The following FAM3D variants were observed in gnomAD, a reference collection of about 807,000 sequenced individuals.
FAM3D encodes the protein FAM3 metabolism regulating signaling molecule D.
FAM3D carries 26 observed loss-of-function variants against 29.8 expected under a neutral mutation model. The observed-to-expected ratio is 0.87, with a 90% CI of 0.64 to 1.21. FAM3D has a LOEUF of 1.21. FAM3D is among the 50% of genes most tolerant of loss of function. FAM3D has a pLI of 0.00. For synonymous variants in FAM3D, 115 were observed against 102.3 expected (o/e 1.12, Z -0.75); for missense variants, 253 against 290.9 (o/e 0.87, Z 0.95).
chr3:58,663,657 CTT>C (rs1191092380), intron 1 of FAM3D, among the ~76,000 whole-genome samples: 1 of 152,220 alleles, frequency 6.6e-6, no homozygotes, highest in Non-Finnish European at 1.5e-5. Context: ...CGGGCCAACT[CTT>C]GGCTTTTTCT....
chr3:58,645,420 C>T (rs1400163550), intron 5 of FAM3D, 89 bp downstream of exon 5: 2 of 1,049,454 alleles, frequency 1.9e-6, no homozygotes, highest in East Asian at 5.3e-5. Flanking sequence ...TCTCACAGGC[C>T]AGCCCCTGCA....
intron 3 of FAM3D, among the ~76,000 whole-genome samples, chr3:58,649,977 G>A (rs912526348): frequency 6.6e-6 from 1 of 152,238 alleles, no homozygotes; most frequent in African/African-American, 2.4e-5. Context: ...GGGTAGAGTT[G>A]TGCTGCTGTG....
intron 2 of FAM3D, among the ~76,000 whole-genome samples, chr3:58,655,258 G>T (rs1174382376): frequency 6.6e-6 from 1 of 152,142 alleles, no homozygotes; most frequent in Non-Finnish European, 1.5e-5. Context: ...TTCTAGAATA[G>T]CCCTCCTCGA....
At position 58,634,224 on chromosome 3, in the gene FAM3D, C is replaced by T. The variant is rs2066095936; in HGVS notation, c.*55G>A. ...CTCAGCCCCTGCCGGGCTCTGACTC[C>T]TAAGTCAGGCAGGAGCTTCTTCAGG... On this transcript the variant is annotated 3_prime_UTR_variant, in exon 10 of 10. Transcript: ENST00000358781. The surrounding 1 kb of genome is among the most constrained non-coding windows in gnomAD (Gnocchi z 4.6). 3 of 1,562,236 alleles carry T rather than the reference C, an allele frequency of 1.9e-6. No individual in the cohort carries two copies. In the Admixed American group the frequency reaches 5.1e-5, roughly 27 times the overall value.
chr3:58,647,294 G>C (rs2066509359), intron 4 of FAM3D, among the ~76,000 whole-genome samples: 1 of 152,254 alleles, frequency 6.6e-6, no homozygotes, highest in Admixed American at 6.5e-5. Flanking sequence ...TGGCTTAGGG[G>C]AGAGAGGGCC....
chr3:58,663,909 C>G (rs1277553744), intron 1 of FAM3D, among the ~76,000 whole-genome samples: 1 of 152,224 alleles, frequency 6.6e-6, no homozygotes, highest in Non-Finnish European at 1.5e-5. Flanking sequence ...GCTGCCCTCA[C>G]CTGTCCTCGC....
chr3:58,646,751 G>C (rs1032489093), intron 4 of FAM3D, among the ~76,000 whole-genome samples: 13 of 152,368 alleles, frequency 8.5e-5, no homozygotes, highest in Admixed American at 8.5e-4. Context: ...CACATGCCAA[G>C]ACCTTGCTGC....
intron 1 of FAM3D, among the ~76,000 whole-genome samples, chr3:58,663,595 C>T (rs1335454910): frequency 1.3e-5 from 2 of 152,182 alleles, no homozygotes; most frequent in Non-Finnish European, 2.9e-5. Flanking sequence ...TCCCACCCTA[C>T]CCCTTCCCTC....
chr3:58,657,061 A>G (rs2066825090), intron 1 of FAM3D, among the ~76,000 whole-genome samples: 3 of 152,180 alleles, frequency 2.0e-5, no homozygotes, highest in Non-Finnish European at 4.4e-5. Context: ...AAATTGTGGA[A>G]CTTTAACTTC....
intron 7 of FAM3D, among the ~76,000 whole-genome samples, chr3:58,639,759 T>C (rs2066275996): frequency 1.3e-5 from 2 of 152,160 alleles, no homozygotes. Context: ...CACTCCTAGC[T>C]CTGCGGACTG....
At chr3:58,651,945 C>A (rs1325506385) in intron 3 of FAM3D, among the ~76,000 whole-genome samples, 2 of 152,116 alleles carry the variant, frequency 1.3e-5, no homozygotes, top group African/African-American at 4.8e-5. Flanking sequence ...GGTAAGGGAT[C>A]GCAGACACTC....
At chr3:58,654,128 T>G (rs1409511231) in intron 2 of FAM3D, among the ~76,000 whole-genome samples, 1 of 152,126 alleles carries the variant, frequency 6.6e-6, no homozygotes, top group Non-Finnish European at 1.5e-5. Flanking sequence ...AGGGGAGGCC[T>G]GAGAACTGCA....
intron 1 of FAM3D, chr3:58,657,577 T>G (rs1438581149): frequency 2.6e-5 from 4 of 152,512 alleles, no homozygotes; most frequent in Non-Finnish European, 5.9e-5. Context: ...GAAATCTGGC[T>G]TCAGGGCAGT....
chr3:58,643,027 G>T (rs6772142), intron 6 of FAM3D, among the ~76,000 whole-genome samples: 65,288 of 152,052 alleles, frequency 0.43, 15,171 homozygotes, highest in Admixed American at 0.53. Context: ...AATCCTTCAG[G>T]CCTTAGCTGG....
Position 58,636,312 on chromosome 3 carries a change from A to G in FAM3D, c.567T>C (p.Gly189=), listed in dbSNP as rs1461887863. 1 of 1,613,832 alleles carries G rather than the reference A, an allele frequency of 6.2e-7. No individual in the cohort carries two copies. Among genetic ancestry groups the G allele is most frequent in the Non-Finnish European group, 8.5e-7 (1 of 1,179,980 alleles). The change falls in exon 9 of 10, where the codon GGT becomes GGC. Residue 189 remains glycine, a synonymous_variant. Coordinates refer to ENST00000358781, the MANE Select transcript of FAM3D (RefSeq NM_138805.3). ...AACCCACCTGCTCAAAGGGGCTTTT[A>G]CCCCTGAGGTCTTTGGCTCCTATGA... ...WVFIGAKDLR[G]KSPFEQFLKN... is the part of the protein sequence containing the mutation.
intron 1 of FAM3D, among the ~76,000 whole-genome samples, chr3:58,655,909 C>T (rs1013356272): frequency 1.3e-5 from 2 of 152,084 alleles, no homozygotes; most frequent in Admixed American, 6.5e-5. Context: ...ATTCACTTAT[C>T]CATCTATCCA....
chr3:58,654,995 G>A (rs2066750245), intron 2 of FAM3D, among the ~76,000 whole-genome samples: 1 of 152,156 alleles, frequency 6.6e-6, no homozygotes, highest in Non-Finnish European at 1.5e-5. Flanking sequence ...TTACATATGA[G>A]GAAACTGAGA....
intron 8 of FAM3D, among the ~76,000 whole-genome samples, chr3:58,636,662 A>C (rs1559494290): frequency 6.6e-6 from 1 of 152,232 alleles, no homozygotes; most frequent in Non-Finnish European, 1.5e-5. Context: ...TTACAAATAC[A>C]ATACACATTC....
intron 2 of FAM3D, among the ~76,000 whole-genome samples, chr3:58,654,288 T>C (rs1189554607): frequency 6.6e-6 from 1 of 152,242 alleles, no homozygotes; most frequent in Non-Finnish European, 1.5e-5. Flanking sequence ...GCAGACCTGG[T>C]AACACCCTTG....
Sources: allele counts gnomAD v4.1 joint callset (sites outside exome capture counted in the v4.1 genomes callset), GRCh38; gene constraint gnomAD v4.1.1; non-coding constraint Gnocchi (gnomAD v3.1); transcripts MANE v1.5; gene names NCBI Gene and HGNC (gene_info 2026-07-23, HGNC 2026-07-21).